The following THSD4 variants were observed in gnomAD, a reference collection of about 807,000 sequenced individuals.
The protein encoded by THSD4 is thrombospondin type 1 domain containing 4.
THSD4 carries 69 observed loss-of-function variants against 119.0 expected under a neutral mutation model. The ratio of observed to expected loss-of-function variants is 0.58; its 90% CI spans 0.48 to 0.71. The LOEUF (loss-of-function observed/expected upper bound fraction) is 0.71. Among genes scored for constraint, THSD4 ranks in the 30% least tolerant of loss-of-function variants. The probability of loss-of-function intolerance (pLI) is 0.00; values close to 1 mark genes in which losing one functional copy is unlikely to be tolerated. For missense variants in THSD4, 1,393 were observed against 1,391.1 expected (o/e 1.00, Z -0.02); for synonymous variants, 524 against 540.4 (o/e 0.97, Z 0.42).
chr15:71,738,991 G>A (rs917462835), intron 11 of THSD4, among the ~76,000 whole-genome samples: 4 of 151,722 alleles, frequency 2.6e-5, no homozygotes, highest in East Asian at 1.9e-4. Flanking sequence ...ATTAATAAAC[G>A]GAATACACTC....
chr15:71,765,236 A>C, intron 16 of THSD4, 37 bp downstream of exon 16: 2 of 1,594,462 alleles, frequency 1.3e-6, no homozygotes, highest in East Asian at 4.5e-5. Flanking sequence ...TTGCATTGGC[A>C]CAACGTCCCC....
chr15:71,112,664 C>T (rs770695463), upstream of THSD4, among the ~76,000 whole-genome samples: 1 of 152,200 alleles, frequency 6.6e-6, no homozygotes, highest in Non-Finnish European at 1.5e-5. Context: ...ACAGGCTAGC[C>T]TTTGACTGTG....
intron 17 of THSD4, among the ~76,000 whole-genome samples, chr15:71,775,829 C>A (rs1448544097): frequency 6.6e-6 from 1 of 152,116 alleles, no homozygotes; most frequent in Non-Finnish European, 1.5e-5. Context: ...ACTTTTCCTA[C>A]CACATATCAA....
chr15:71,225,539 C>CTTTTTTTTTTTTTT (rs1040381361), intron 4 of THSD4, among the ~76,000 whole-genome samples: 2 of 105,384 alleles, frequency 1.9e-5, no homozygotes, highest in Non-Finnish European at 4.0e-5. Flanking sequence ...TTTTCTTTTT[C>CTTTTTTTTTTTTTT]TTTTTTTTTT....
intron 7 of THSD4, among the ~76,000 whole-genome samples, chr15:71,584,633 G>A (rs1280268593): frequency 6.6e-6 from 1 of 152,080 alleles, no homozygotes; most frequent in Non-Finnish European, 1.5e-5. Flanking sequence ...GATAGGCAAT[G>A]TATAGTTGAT....
At chr15:71,515,794 A>G (rs182176567) in intron 7 of THSD4, among the ~76,000 whole-genome samples, 96 of 152,274 alleles carry the variant, frequency 6.3e-4, no homozygotes, top group Non-Finnish European at 1.5e-4. Context: ...GTTTCACGGA[A>G]GTGGCTTTTT....
chr15:71,247,951 C>A (rs2044220998), intron 5 of THSD4, among the ~76,000 whole-genome samples: 1 of 152,166 alleles, frequency 6.6e-6, no homozygotes, highest in African/African-American at 2.4e-5. Context: ...TGAGGAGATG[C>A]AGTTGAAAAA....
At chr15:71,666,267 C>T (rs2051415240) in intron 8 of THSD4, among the ~76,000 whole-genome samples, 3 of 152,054 alleles carry the variant, frequency 2.0e-5, no homozygotes, top group Admixed American at 2.0e-4. Flanking sequence ...TGAATTACCT[C>T]ATTTTAAATG....
At chr15:71,577,404 A>G (rs1361080996) in intron 7 of THSD4, among the ~76,000 whole-genome samples, 1 of 152,246 alleles carries the variant, frequency 6.6e-6, no homozygotes, top group Non-Finnish European at 1.5e-5. Flanking sequence ...CATGTTAAAC[A>G]TGATGGCTAA....
intron 7 of THSD4, among the ~76,000 whole-genome samples, chr15:71,554,487 C>T (rs367883744): frequency 1.3e-5 from 2 of 152,284 alleles, no homozygotes; most frequent in African/African-American, 4.8e-5. Flanking sequence ...CTCCCAGGCT[C>T]AAGTAATCCT....
chr15:71,454,577 G>A (rs1178406722), intron 7 of THSD4, among the ~76,000 whole-genome samples: 1 of 152,176 alleles, frequency 6.6e-6, no homozygotes, highest in Non-Finnish European at 1.5e-5. Flanking sequence ...AAGCAAACAA[G>A]AGGGAGAAAA....
intron 6 of THSD4, among the ~76,000 whole-genome samples, chr15:71,353,866 A>G (rs2045775569): frequency 6.6e-6 from 1 of 152,144 alleles, no homozygotes; most frequent in Middle Eastern, 3.2e-3. Flanking sequence ...CTCCTCTCTA[A>G]GTGTGAGAAG....
At chr15:71,446,720 A>T (rs974234241) in intron 7 of THSD4, among the ~76,000 whole-genome samples, 4 of 151,908 alleles carry the variant, frequency 2.6e-5, no homozygotes, top group African/African-American at 9.7e-5. Flanking sequence ...GTTTCTCTTC[A>T]TTTTTTCTCT....
intron 7 of THSD4, among the ~76,000 whole-genome samples, chr15:71,508,635 G>A (rs2048230668): frequency 6.6e-6 from 1 of 152,152 alleles, no homozygotes; most frequent in Non-Finnish European, 1.5e-5. Flanking sequence ...AAAGTAAAGG[G>A]GGTGAGCTAA....
intron 10 of THSD4, among the ~76,000 whole-genome samples, chr15:71,736,877 C>T (rs537320586): frequency 2.0e-5 from 3 of 152,314 alleles, no homozygotes; most frequent in South Asian, 2.1e-4. Context: ...TCTTTCAAAC[C>T]GGAGGAGGAA....
Position 71,522,543 on chromosome 15 carries a change from C to G in THSD4, c.1152+110720C>G, listed in dbSNP as rs189384390. On this transcript the variant is annotated intron_variant, in intron 7 of 17. Coordinates refer to ENST00000261862, the MANE Select transcript of THSD4 (RefSeq NM_024817.3). ...TTGGAAAAATGAAAAGTATTGCTCA[C>G]TGATTGAAAGAGATGTAGTCAGAAT... 1.4e-4 allele frequency among the ~76,000 whole-genome samples: 22 copies of G among 152,292 alleles called. No individual in the cohort carries two copies. In the East Asian group the frequency reaches 4.2e-3, roughly 29 times the overall value.
intron 6 of THSD4, among the ~76,000 whole-genome samples, chr15:71,276,192 G>A (rs2044588406): frequency 1.3e-5 from 2 of 152,188 alleles, no homozygotes; most frequent in South Asian, 4.1e-4. Context: ...ATCTGCCTTG[G>A]TACATTCTTG....
At chr15:71,154,275 C>T (rs576645967) in intron 2 of THSD4, among the ~76,000 whole-genome samples, 37 of 152,334 alleles carry the variant, frequency 2.4e-4, no homozygotes, top group African/African-American at 7.9e-4. Flanking sequence ...TATTTGATGA[C>T]ATTCTCTAAT....
chr15:71,707,381 C>A (rs2052414421), intron 8 of THSD4, among the ~76,000 whole-genome samples: 2 of 152,164 alleles, frequency 1.3e-5, no homozygotes, highest in Admixed American at 1.3e-4. Context: ...AAGCCACATA[C>A]CAAATGCATG....
Sources: gnomAD v4.1 joint callset for allele counts (sites outside exome capture counted in the v4.1 genomes callset) on GRCh38, gnomAD v4.1.1 for gene constraint, MANE v1.5 for transcripts, NCBI Gene and HGNC (gene_info 2026-07-23, HGNC 2026-07-21) for gene names.